The following PDE10A variants were observed in gnomAD, a reference collection of about 807,000 sequenced individuals.
The protein encoded by PDE10A is cAMP and cAMP-inhibited cGMP 3',5'-cyclic phosphodiesterase 10A.
In PDE10A, 39 loss-of-function variants were observed where a neutral mutation model predicts 97.7. The observed-to-expected ratio is 0.40, with a 90% CI of 0.31 to 0.52. The LOEUF is 0.52. Among genes scored for constraint, PDE10A ranks in the 20% least tolerant of loss-of-function variants. PDE10A has a pLI of 0.56. For synonymous variants in PDE10A, 371 were observed against 376.8 expected, an observed-to-expected ratio of 0.98 and a Z score of 0.18; for missense variants, 731 against 1,047.8, an observed-to-expected ratio of 0.70 and a Z score of 4.17.
chr6:165,733,694 T>A (rs896306469), intron 1 of PDE10A, among the ~76,000 whole-genome samples: 1 of 152,190 alleles, frequency 6.6e-6, no homozygotes, highest in African/African-American at 2.4e-5. Context: ...AAACACCCAG[T>A]TGTTTGACAG....
chr6:165,678,325 T>G (rs1164007807), intron 1 of PDE10A, among the ~76,000 whole-genome samples: 4 of 150,746 alleles, frequency 2.7e-5, no homozygotes, highest in Non-Finnish European at 5.9e-5. Flanking sequence ...GTGCATATCT[T>G]TCCTTCTGTT....
At chr6:165,654,756 C>G (rs766495720) in intron 1 of PDE10A, among the ~76,000 whole-genome samples, 1 of 152,204 alleles carries the variant, frequency 6.6e-6, no homozygotes, top group Non-Finnish European at 1.5e-5. Flanking sequence ...ATCCATGCCA[C>G]TCCACCGCAA....
At position 165,336,113 on chromosome 6, in the gene PDE10A, T is replaced by C. The variant is rs373834600; in HGVS notation, c.3065+10A>G. The C allele has an allele frequency of 5.0e-6, 8 of 1,591,182 alleles. No individual in the cohort carries two copies. The highest frequency in any genetic ancestry group is 5.0e-5 in the Admixed American group (3 of 59,942). ...AACAATATTTTTACGGCTTGAACCA[T>C]AGTACATACCTGCATGCTTTCAGAA... is the stretch of plus-strand genomic sequence containing the variant. On this transcript the variant is annotated intron_variant, in intron 21 of 21. Coordinates refer to ENST00000539869, the MANE Select transcript of PDE10A (RefSeq NM_001385079.1).
intron 1 of PDE10A, among the ~76,000 whole-genome samples, chr6:165,837,615 G>C (rs988220068): frequency 3.3e-5 from 5 of 149,738 alleles, no homozygotes; most frequent in African/African-American, 1.2e-4. Context: ...AACTCAAGGA[G>C]TCCTAAGTTC....
intron 1 of PDE10A, among the ~76,000 whole-genome samples, chr6:165,553,865 T>C (rs1784129361): frequency 6.6e-6 from 1 of 152,196 alleles, no homozygotes; most frequent in Non-Finnish European, 1.5e-5. Flanking sequence ...GATAGAACTA[T>C]TAAGAGTAAG....
chr6:165,383,909 C>T (rs1785086643), intron 17 of PDE10A, among the ~76,000 whole-genome samples: 2 of 151,914 alleles, frequency 1.3e-5, no homozygotes, highest in African/African-American at 4.8e-5. Flanking sequence ...TGGGGGGCCA[C>T]AAGAAAGGGT....
chr6:165,497,169 G>C (rs1412326199), intron 2 of PDE10A, among the ~76,000 whole-genome samples: 1 of 152,064 alleles, frequency 6.6e-6, no homozygotes, highest in Non-Finnish European at 1.5e-5. Context: ...TCTTCTCTGA[G>C]AGATTATAAT....
chr6:165,906,026 T>TC (rs1782263587), intron 1 of PDE10A, among the ~76,000 whole-genome samples: 1 of 3,110 alleles, frequency 3.2e-4, no homozygotes, highest in Admixed American at 3.9e-3. Flanking sequence ...CCTCCCTCCC[T>TC]TCCTTCCTTC....
rs199902606 is a variant in PDE10A at position 165,398,336 on chromosome 6, C to G, written c.2077-1877G>C. On this transcript the variant is annotated intron_variant, in intron 13 of 21. Transcript: ENST00000539869. ...TCTACTAAAAACACAGAAAAATTAG[C>G]CAGGCACGGTGGCACACACCTGTAA... Among the ~76,000 whole-genome samples, 24 of 152,118 alleles carry G rather than the reference C, an allele frequency of 1.6e-4. No individual in the cohort carries two copies. In the East Asian group the frequency reaches 4.6e-3, roughly 29 times the overall value.
At chr6:165,477,124 G>T (rs144789069) in intron 3 of PDE10A, among the ~76,000 whole-genome samples, 4 of 152,222 alleles carry the variant, frequency 2.6e-5, no homozygotes, top group African/African-American at 9.6e-5. Context: ...TCCGACCAAG[G>T]CTCCTTCCTT....
intron 1 of PDE10A, among the ~76,000 whole-genome samples, chr6:165,725,450 AG>A (rs34179648): frequency 6.6e-6 from 1 of 152,144 alleles, no homozygotes; most frequent in Non-Finnish European, 1.5e-5. Flanking sequence ...TGCTCCCCCT[AG>A]GGGTATGAGC....
intron 1 of PDE10A, among the ~76,000 whole-genome samples, chr6:165,682,725 C>G (rs1476881578): frequency 6.6e-6 from 1 of 152,176 alleles, no homozygotes; most frequent in East Asian, 1.9e-4. Flanking sequence ...TTATAACTCG[C>G]CAAGTTTATG....
intron 1 of PDE10A, among the ~76,000 whole-genome samples, chr6:165,720,536 A>C (rs2128448377): frequency 6.6e-6 from 1 of 152,308 alleles, no homozygotes; most frequent in South Asian, 2.1e-4. Flanking sequence ...AACCTGTCTG[A>C]AATTCTCCTA....
chr6:165,833,390 C>T (rs891906270), intron 1 of PDE10A, among the ~76,000 whole-genome samples: 2 of 152,096 alleles, frequency 1.3e-5, no homozygotes, highest in South Asian at 4.1e-4. Context: ...AGGCTAATCT[C>T]ATACCCTGGG....
intron 1 of PDE10A, among the ~76,000 whole-genome samples, chr6:165,804,059 G>C (rs1779050845): frequency 6.6e-6 from 1 of 152,186 alleles, no homozygotes; most frequent in South Asian, 2.1e-4. Context: ...GGATGCTTTT[G>C]AAGAAGGAAC....
intron 1 of PDE10A, among the ~76,000 whole-genome samples, chr6:165,938,142 C>G (rs1418809260): frequency 6.6e-6 from 1 of 152,198 alleles, no homozygotes; most frequent in Non-Finnish European, 1.5e-5. Context: ...GAGCAATGAG[C>G]TTTGGCATTC....
chr6:165,444,360 C>T (rs887147435), intron 5 of PDE10A, among the ~76,000 whole-genome samples: 5 of 152,142 alleles, frequency 3.3e-5, no homozygotes, highest in Admixed American at 2.6e-4. Flanking sequence ...AAAGGAATCA[C>T]AAGTTGGTAA....
intron 1 of PDE10A, among the ~76,000 whole-genome samples, chr6:165,718,780 C>T (rs922103753): frequency 6.6e-6 from 1 of 152,134 alleles, no homozygotes; most frequent in African/African-American, 2.4e-5. Flanking sequence ...CATTTTAGTG[C>T]CTTGCTCTTA....
rs985267168 is a variant in PDE10A at position 165,327,752 on chromosome 6, A to C, written c.*5273T>G. On this transcript the variant is annotated 3_prime_UTR_variant, in exon 22 of 22. Coordinates refer to ENST00000539869, the MANE Select transcript of PDE10A (RefSeq NM_001385079.1). ...AAAATTTACTAACATCAACTATGAT[A>C]AAGTTAGATACTGTTAACTTGAAAT... 2 of 152,270 alleles carry C rather than the reference A, an allele frequency of 1.3e-5. No individual in the cohort carries two copies. The highest frequency in any genetic ancestry group is 2.4e-5 in the African/African-American group (1 of 41,472). 9.4% of individuals were successfully genotyped at this position (152,270 alleles called of 1,614,324 possible). A position where few individuals can be genotyped will look rare whatever the true frequency, so the allele number is the denominator to read the frequency against.
Sources: gnomAD v4.1 joint callset for allele counts (sites outside exome capture counted in the v4.1 genomes callset) on GRCh38, gnomAD v4.1.1 for gene constraint, MANE v1.5 for transcripts, NCBI Gene and HGNC (gene_info 2026-07-23, HGNC 2026-07-21) for gene names.